Variants in NTM observed in about 807,000 individuals in gnomAD.
The protein encoded by NTM is neurotrimin.
NTM carries 13 observed loss-of-function variants against 42.1 expected under a neutral mutation model. That is an observed-to-expected ratio of 0.31 (90% CI 0.20 to 0.49). The LOEUF is 0.49. NTM is among the 20% of genes least tolerant of loss of function. The pLI is 0.99. For missense variants in NTM, 373 were observed against 452.8 expected (o/e 0.82, Z 1.60); for synonymous variants, 187 against 179.2 (o/e 1.04, Z -0.35).
chr11:131,497,668 G>C (rs1440287756), intron 1 of NTM, among the ~76,000 whole-genome samples: 1 of 152,194 alleles, frequency 6.6e-6, no homozygotes, highest in Admixed American at 6.5e-5. Context: ...TCAAGAGGGA[G>C]AAAATTGTTA....
intron 4 of NTM, 119 bp downstream of exon 4, chr11:132,212,266 A>G (rs1481925355): frequency 1.8e-5 from 13 of 737,832 alleles, no homozygotes; most frequent in Non-Finnish European, 3.0e-5. Flanking sequence ...TGGTGGCTTG[A>G]TGGTAATCTA....
intron 2 of NTM, among the ~76,000 whole-genome samples, chr11:131,915,739 T>C (rs1219946195): frequency 6.6e-6 from 1 of 152,140 alleles, no homozygotes; most frequent in Non-Finnish European, 1.5e-5. Flanking sequence ...AGGCACATTT[T>C]ACACGGCGGC....
chr11:132,058,195 C>T (rs866474446), intron 2 of NTM, among the ~76,000 whole-genome samples: 11 of 152,082 alleles, frequency 7.2e-5, no homozygotes, highest in Non-Finnish European at 1.3e-4. Flanking sequence ...ATCTCTGTAA[C>T]GCTGAATGAC....
chr11:132,020,965 A>G (rs2074242500), intron 2 of NTM, among the ~76,000 whole-genome samples: 1 of 152,020 alleles, frequency 6.6e-6, no homozygotes, highest in Admixed American at 6.6e-5. Flanking sequence ...AGTTTTCACT[A>G]TTATTCATTG....
chr11:131,411,721 A>G (rs1165722133), intron 1 of NTM, among the ~76,000 whole-genome samples: 1 of 152,034 alleles, frequency 6.6e-6, no homozygotes, highest in African/African-American at 2.4e-5. Flanking sequence ...CCCACATCGC[A>G]GTTGTACGTG....
chr11:131,620,333 C>G (rs951471083), intron 1 of NTM, among the ~76,000 whole-genome samples: 1 of 152,118 alleles, frequency 6.6e-6, no homozygotes, highest in African/African-American at 2.4e-5. Context: ...CCTGGTCTTC[C>G]TACCTCTTCC....
intron 1 of NTM, among the ~76,000 whole-genome samples, chr11:131,522,794 T>A (rs411280): frequency 0.74 from 112,590 of 152,066 alleles, 42,375 homozygotes; most frequent in East Asian, 0.99. Context: ...ATTATTAGGG[T>A]TTTAGGTCAG....
chr11:131,671,526 CCCT>C, intron 1 of NTM: 1 of 980,926 alleles, frequency 1.0e-6, no homozygotes. Context: ...GCTGCCCTCA[CCCT>C]CCTCTGGGCT....
At chr11:131,693,983 A>C (rs1177076554) in intron 1 of NTM, among the ~76,000 whole-genome samples, 1 of 152,182 alleles carries the variant, frequency 6.6e-6, no homozygotes, top group African/African-American at 2.4e-5. Context: ...TTGTGTCACT[A>C]GGAGAGAGAT....
intron 2 of NTM, among the ~76,000 whole-genome samples, chr11:132,007,645 T>C (rs1181312412): frequency 1.3e-5 from 2 of 152,202 alleles, no homozygotes; most frequent in African/African-American, 4.8e-5. Context: ...TTTAAAGAAA[T>C]CTATGGTGAA....
chr11:131,766,577 C>G (rs959915792), intron 1 of NTM, among the ~76,000 whole-genome samples: 2 of 79,270 alleles, frequency 2.5e-5, no homozygotes, highest in African/African-American at 7.0e-5. Flanking sequence ...CACAGCAGGC[C>G]CCCCCCTTCT....
chr11:131,810,217 C>T (rs1192438598), intron 1 of NTM, among the ~76,000 whole-genome samples: 2 of 152,178 alleles, frequency 1.3e-5, no homozygotes. Flanking sequence ...TCCACCTCCT[C>T]CTCCCACGTC....
chr11:131,585,416 A>G (rs2058769247), intron 1 of NTM, among the ~76,000 whole-genome samples: 4 of 152,262 alleles, frequency 2.6e-5, no homozygotes, highest in Admixed American at 2.6e-4. Context: ...GACACTCCTC[A>G]GGCCCTCCTT....
chr11:132,259,318 A>G (rs1010716165), intron 4 of NTM, among the ~76,000 whole-genome samples: 2 of 152,158 alleles, frequency 1.3e-5, no homozygotes, highest in Non-Finnish European at 1.5e-5. Context: ...CCTCTGAAGA[A>G]GCTCAAATGA....
rs185434517 is a variant in NTM, at chr11:132,130,919, C to A, written c.168-15363C>A. On this transcript the variant is annotated intron_variant, in intron 2 of 8. Transcript: ENST00000683400. The stretch of plus-strand genomic sequence containing the variant: ...GGTGATGAAGTGACTTGCCCACGAT[C>A]ACACATTTCATAGCCTCAGATCTGG... Among the ~76,000 whole-genome samples, 716 of 152,298 alleles carry A rather than the reference C, an allele frequency of 4.7e-3. 12 individuals carry two copies. The highest frequency in any genetic ancestry group is 0.016 in the African/African-American group (663 of 41,552).
intron 1 of NTM, among the ~76,000 whole-genome samples, chr11:131,892,995 T>G (rs1288238482): frequency 1.3e-5 from 2 of 152,200 alleles, no homozygotes; most frequent in Non-Finnish European, 2.9e-5. Context: ...GAAGTCACTT[T>G]GGACTTTGAG....
At chr11:131,488,950 G>T (rs1298132495) in intron 1 of NTM, among the ~76,000 whole-genome samples, 1 of 152,164 alleles carries the variant, frequency 6.6e-6, no homozygotes, top group Non-Finnish European at 1.5e-5. Context: ...ACAGTTACTG[G>T]CCCATAACAA....
intron 1 of NTM, among the ~76,000 whole-genome samples, chr11:131,463,069 C>G (rs996095757): frequency 5.2e-4 from 79 of 152,258 alleles, no homozygotes; most frequent in African/African-American, 1.8e-3. Context: ...GAGCTGCCCT[C>G]TGGCCCAGGT....
At chr11:131,773,656 T>C (rs1261280150) in intron 1 of NTM, among the ~76,000 whole-genome samples, 1 of 152,222 alleles carries the variant, frequency 6.6e-6, no homozygotes, top group South Asian at 2.1e-4. Flanking sequence ...CTTTGCCATA[T>C]CTTTTAACAT....
Sources: allele counts gnomAD v4.1 joint callset (sites outside exome capture counted in the v4.1 genomes callset), GRCh38; gene constraint gnomAD v4.1.1; transcripts MANE v1.5; gene names NCBI Gene and HGNC (gene_info 2026-07-23, HGNC 2026-07-21).